IQCE: variants seen among roughly 807,000 people sequenced by gnomAD.
IQCE encodes IQ domain-containing protein E.
A neutral mutation model predicts 96.0 loss-of-function variants in IQCE; 115 were observed. The observed-to-expected ratio is 1.20, with a 90% CI of 1.03 to 1.40. The LOEUF (loss-of-function observed/expected upper bound fraction) is 1.40. IQCE is among the 40% of genes most tolerant of loss of function. The pLI, the probability that IQCE is intolerant of heterozygous loss-of-function variation, is 0.00. For synonymous variants in IQCE, 412 were observed against 371.2 expected (o/e 1.11, Z -1.26); for missense variants, 1,041 against 909.1 (o/e 1.15, Z -1.87).
chr7:2,585,019 C>T lies in IQCE; in HGVS notation c.824+734C>T, dbSNP rs111905733. ...TAAACCACTGCTCCAATGGGAGGTA[C>T]AGGGCTCCTGCGAGCTTCTGCTCAT... On this transcript the variant is annotated intron_variant, in intron 11 of 21. Transcript: ENST00000402050. Among the ~76,000 whole-genome samples, 1,047 of 151,452 alleles carry T rather than the reference C, an allele frequency of 6.9e-3. 5 individuals carry two copies. Among genetic ancestry groups the T allele is most frequent in the African/African-American group, 0.025 (1,029 of 41,284 alleles).
chr7:2,563,375 T>G (rs991996850), intron 1 of IQCE, among the ~76,000 whole-genome samples: 29 of 135,680 alleles, frequency 2.1e-4, no homozygotes, highest in Non-Finnish European at 1.9e-4. Flanking sequence ...TAATTTTTTG[T>G]TGTGTGTGTG....
At chr7:2,566,355 C>G (rs1324283316) in intron 1 of IQCE, among the ~76,000 whole-genome samples, 1 of 151,496 alleles carries the variant, frequency 6.6e-6, no homozygotes, top group Non-Finnish European at 1.5e-5. Context: ...ATTTCATTCC[C>G]TGGACCAGGA....
At chr7:2,562,285 C>CATATATATATATATATATAT (rs59044593) in intron 1 of IQCE, among the ~76,000 whole-genome samples, 83 of 146,296 alleles carry the variant, frequency 5.7e-4, no homozygotes, top group African/African-American at 2.0e-3. Context: ...AATTAGGGTA[C>CATATATATATATATATATAT]ATATATATAT....
intron 8 of IQCE, among the ~76,000 whole-genome samples, chr7:2,579,444 T>C (rs570076028): frequency 6.6e-6 from 1 of 152,210 alleles, no homozygotes; most frequent in African/African-American, 2.4e-5. Context: ...GAGAAGGATA[T>C]TATGGATCAA....
At chr7:2,596,838 A>G (rs924771212) in intron 16 of IQCE, 10 of 403,748 alleles carry the variant, frequency 2.5e-5, no homozygotes, top group Non-Finnish European at 5.2e-5. Context: ...TCTTAGGGTT[A>G]CAAAATCAGA....
At chr7:2,598,352 ACTCAC>A in intron 16 of IQCE, 108 bp from the exon 17 acceptor site, 1 of 1,036,148 alleles carries the variant, frequency 9.7e-7, no homozygotes, top group Non-Finnish European at 1.4e-6. Flanking sequence ...CATTAGTGAG[ACTCAC>A]CTGATAAGCG....
intron 8 of IQCE, among the ~76,000 whole-genome samples, chr7:2,581,102 C>CA (rs1011253476): frequency 1.3e-5 from 2 of 152,110 alleles, no homozygotes; most frequent in African/African-American, 4.8e-5. Flanking sequence ...CTTGGCCTGC[C>CA]AAAGTGCTGG....
In IQCE at chr7:2,573,481, TAAA is replaced by T. The variant is rs1781904553; in HGVS notation, c.459_461del (p.Lys155del). On this transcript the variant is annotated inframe_deletion, in exon 6 of 22. Transcript: ENST00000402050. ...GATATGTATGACGAGATTATTGAGTTAAAGAAGGTAGTATTTCGGTTTGTTCTC... is the reference window on the plus strand; with the variant it reads ...GATATGTATGACGAGATTATTGAGTTGAAGGTAGTATTTCGGTTTGTTCTC... 1 of 1,522,960 alleles carries T rather than the reference TAAA, an allele frequency of 6.6e-7. No homozygotes were observed. Among genetic ancestry groups the T allele is most frequent in the East Asian group, 2.2e-5 (1 of 44,606 alleles). The allele number at this position is 1,522,960 out of a possible 1,614,324, so 94.3% of individuals were successfully genotyped here. A position where few individuals can be genotyped will look rare whatever the true frequency, so the allele number is the denominator to read the frequency against.
chr7:2,594,657 T>G (rs1783878897), intron 15 of IQCE, among the ~76,000 whole-genome samples: 1 of 152,228 alleles, frequency 6.6e-6, no homozygotes, highest in South Asian at 2.1e-4. Context: ...TCGTGGGGCT[T>G]CCAGCCCAGA....
At position 2,605,828 on chromosome 7, in the gene IQCE, G is replaced by T. The variant is rs529421584; in HGVS notation, c.1744-48G>T. 8 of 1,483,126 alleles carry T rather than the reference G, an allele frequency of 5.4e-6. No individual in the cohort carries two copies. In the South Asian group the frequency reaches 1.1e-4, roughly 20 times the overall value. 91.9% of individuals were successfully genotyped at this position (1,483,126 alleles called of 1,614,324 possible). A position where few individuals can be genotyped will look rare whatever the true frequency, so the allele number is the denominator to read the frequency against. ...CCTGGGGGTTGAGTGCTGGGAGCCAGCAGGGGGCTGCCAAACAGTCGTCTT... is the reference window on the plus strand; with the variant it reads ...CCTGGGGGTTGAGTGCTGGGAGCCATCAGGGGGCTGCCAAACAGTCGTCTT... On this transcript the variant is annotated intron_variant, in intron 19 of 21. Coordinates refer to ENST00000402050, the MANE Select transcript of IQCE (RefSeq NM_152558.5).
chr7:2,572,718 T>C (rs1191232035), intron 5 of IQCE: 4 of 442,224 alleles, frequency 9.0e-6, no homozygotes, highest in African/African-American at 4.1e-5. Context: ...GCCTAGTCTC[T>C]TTTTTTTTAG....
At chr7:2,563,071 G>A (rs559809342) in intron 1 of IQCE, among the ~76,000 whole-genome samples, 16 of 152,082 alleles carry the variant, frequency 1.1e-4, no homozygotes, top group African/African-American at 2.4e-4. Context: ...GACTACAGGC[G>A]TGTGCCACCA....
At chr7:2,588,091 C>T (rs902204065) in intron 13 of IQCE, among the ~76,000 whole-genome samples, 14 of 152,340 alleles carry the variant, frequency 9.2e-5, no homozygotes, top group African/African-American at 2.2e-4. Context: ...TGTGCGTGGC[C>T]GCAGGCAGAC....
chr7:2,603,519 A>G (rs1784581253), intron 18 of IQCE, among the ~76,000 whole-genome samples: 1 of 152,102 alleles, frequency 6.6e-6, no homozygotes, highest in Admixed American at 6.5e-5. Context: ...GTCTCTAAGT[A>G]AAGACAGCAG....
intron 13 of IQCE, among the ~76,000 whole-genome samples, chr7:2,589,127 G>A (rs533622490): frequency 5.6e-4 from 86 of 152,272 alleles, no homozygotes; most frequent in African/African-American, 2.0e-3. Context: ...CAGTACTTTG[G>A]GAGGCTAAGC....
chr7:2,601,698 C>T, intron 18 of IQCE: 1 of 475,746 alleles, frequency 2.1e-6, no homozygotes, highest in African/African-American at 2.0e-5. Flanking sequence ...TACAGGGATG[C>T]ACCACTGTGC....
Position 2,604,872 on chromosome 7 carries a change from C to T in IQCE, c.1633-9C>T, listed in dbSNP as rs745861218. On this transcript the variant is annotated splice_polypyrimidine_tract_variant and intron_variant, in intron 18 of 21. Transcript: ENST00000402050. ...CCCACTTTTCTCTCCCTGCTTCCTTCCCTGACAGGCGGCTGTGGTGCTTCA... is the reference window on the plus strand; with the variant it reads ...CCCACTTTTCTCTCCCTGCTTCCTTTCCTGACAGGCGGCTGTGGTGCTTCA... 1.2e-5 allele frequency: 20 copies of T among 1,609,554 alleles called. No homozygotes were observed. In the South Asian group the frequency reaches 2.0e-4, roughly 16 times the overall value.
At chr7:2,567,571 G>A (rs977879933) in intron 2 of IQCE, among the ~76,000 whole-genome samples, 60 of 152,236 alleles carry the variant, frequency 3.9e-4, no homozygotes, top group Admixed American at 1.4e-3. Flanking sequence ...CTCCCAGCCC[G>A]GAAAGGAGAG....
At chr7:2,579,778 C>T (rs940812311) in intron 8 of IQCE, among the ~76,000 whole-genome samples, 1 of 151,060 alleles carries the variant, frequency 6.6e-6, no homozygotes, top group Non-Finnish European at 1.5e-5. Context: ...GGGACTCACT[C>T]TGTTGCCCAG....
Sources: gnomAD v4.1 joint callset for allele counts (sites outside exome capture counted in the v4.1 genomes callset) on GRCh38, gnomAD v4.1.1 for gene constraint, MANE v1.5 for transcripts, NCBI Gene and HGNC (gene_info 2026-07-23, HGNC 2026-07-21) for gene names.